Variants in SLC17A2 observed in about 807,000 individuals in gnomAD.
The protein encoded by SLC17A2 is sodium-dependent phosphate transport protein 3.
SLC17A2 carries 38 observed loss-of-function variants against 52.1 expected under a neutral mutation model. That is an observed-to-expected ratio of 0.73 (90% CI 0.56 to 0.96). SLC17A2 has a LOEUF of 0.96. Among genes scored for constraint, SLC17A2 ranks in the 40% least tolerant of loss-of-function variants. The probability of loss-of-function intolerance (pLI) is 0.00; values close to 1 mark genes in which losing one functional copy is unlikely to be tolerated. For synonymous variants in SLC17A2, 226 were observed against 211.9 expected (o/e 1.07, Z -0.58); for missense variants, 508 against 583.9 (o/e 0.87, Z 1.34).
intron 6 of SLC17A2, 119 bp from the exon 7 acceptor site, chr6:25,917,206 A>T (rs946633461): frequency 1.4e-6 from 1 of 730,658 alleles, no homozygotes; most frequent in South Asian, 1.6e-5. Context: ...TTATTCTACC[A>T]TAAGGACCTA....
At chr6:25,928,656 G>T (rs1766846655) in intron 1 of SLC17A2, among the ~76,000 whole-genome samples, 1 of 152,150 alleles carries the variant, frequency 6.6e-6, no homozygotes, top group Non-Finnish European at 1.5e-5. Context: ...CCTAAACTGA[G>T]GTCTTTCATG....
At chr6:25,921,148 TCCCA>T in intron 4 of SLC17A2, 27 bp downstream of exon 4, 3 of 1,613,516 alleles carry the variant, frequency 1.9e-6, no homozygotes, top group Non-Finnish European at 2.5e-6. Context: ...GAAATCTGGA[TCCCA>T]CCAAGAATGA....
chr6:25,928,861 G>A (rs929951297), intron 1 of SLC17A2, among the ~76,000 whole-genome samples: 1 of 151,976 alleles, frequency 6.6e-6, no homozygotes, highest in African/African-American at 2.4e-5. Flanking sequence ...GTGAATTCTA[G>A]TGCCAAAGTT....
At position 25,921,244 on chromosome 6, in the gene SLC17A2, G is replaced by A. The variant is rs1436304879; in HGVS notation, c.409C>T (p.Pro137Ser). ...LISSLLTLFT[P>S]LAADFGVILV... The stretch of plus-strand genomic sequence containing the variant: ...ATCACTCCGAAGTCAGCAGCCAGTG[G>A]TGTAAAGAGGGTGAGAAGGGAAGAG... Residue 137 changes from proline to serine, a missense_variant, in exon 4 of 12, where the codon CCA (proline) becomes TCA (serine). Pro to Ser is a moderately conservative substitution (Grantham distance 74, BLOSUM62 -1). Transcript: ENST00000377850. The A allele has an allele frequency of 6.2e-7, 1 of 1,614,048 alleles. No individual in the cohort carries two copies. Among genetic ancestry groups the A allele is most frequent in the East Asian group, 2.2e-5 (1 of 44,890 alleles).
chr6:25,925,177 G>A (rs1311878020), intron 2 of SLC17A2, among the ~76,000 whole-genome samples: 1 of 152,138 alleles, frequency 6.6e-6, no homozygotes, highest in East Asian at 1.9e-4. Flanking sequence ...CAGCCGCTTG[G>A]TGAGAATATT....
intron 8 of SLC17A2, among the ~76,000 whole-genome samples, chr6:25,916,082 T>C (rs1396373995): frequency 6.6e-6 from 1 of 152,280 alleles, no homozygotes; most frequent in East Asian, 1.9e-4. Context: ...TATTAATTTC[T>C]TGGGTTTTTT....
chr6:25,917,196 T>C lies in SLC17A2; in HGVS notation c.650-109A>G, dbSNP rs1766358988. 4 of 766,642 alleles carry C rather than the reference T, an allele frequency of 5.2e-6. No homozygotes were observed. The Admixed American group carries it at 7.3e-5, about 14-fold the overall frequency. 47.5% of individuals were successfully genotyped at this position (766,642 alleles called of 1,614,324 possible). ...CTTCTACACACTAATCAATTAATGC[T>C]TATTCTACCATAAGGACCTAAATGT... is the stretch of plus-strand genomic sequence containing the variant. On this transcript the variant is annotated intron_variant, in intron 6 of 11. Coordinates refer to ENST00000377850, the MANE Select transcript of SLC17A2 (RefSeq NM_001286123.3).
At chr6:25,918,442 T>C (rs1289384359) in intron 6 of SLC17A2, 45 bp downstream of exon 6, 1 of 1,321,348 alleles carries the variant, frequency 7.6e-7, no homozygotes, top group Admixed American at 1.7e-5. Context: ...CCAAAATGGA[T>C]GCTCAGGAAA....
chr6:25,924,808 C>CA (rs33975030), intron 2 of SLC17A2, among the ~76,000 whole-genome samples: 1,833 of 135,070 alleles, frequency 0.014, 23 homozygotes, highest in African/African-American at 0.041. Context: ...GACTCAATCT[C>CA]AAAAAAAAAA....
chr6:25,914,448 A>C, intron 11 of SLC17A2, 132 bp downstream of exon 11: 1 of 648,066 alleles, frequency 1.5e-6, no homozygotes, highest in Non-Finnish European at 2.8e-6. Context: ...AATCTGACCT[A>C]CCAGAGTCTG....
rs1472849488 is a variant in SLC17A2, at chr6:25,913,264, A to G, written c.*53T>C. On this transcript the variant is annotated 3_prime_UTR_variant, in exon 12 of 12. Transcript: ENST00000377850. ...TCAGGAATATGGAGAGAAGTAAAAA[A>G]TGTTTAAAAAGTTCATGCTCAGTAC... The G allele has an allele frequency of 6.2e-7, 1 of 1,601,466 alleles. No individual in the cohort carries two copies. Among genetic ancestry groups the G allele is most frequent in the African/African-American group, 1.3e-5 (1 of 74,644 alleles).
intron 3 of SLC17A2, among the ~76,000 whole-genome samples, chr6:25,923,217 T>C (rs1357533638): frequency 6.6e-6 from 1 of 151,590 alleles, no homozygotes; most frequent in Admixed American, 6.6e-5. Context: ...AACAGCAAAA[T>C]TGGCTAATTC....
chr6:25,914,450 C>A, intron 11 of SLC17A2, 130 bp downstream of exon 11: 1 of 646,412 alleles, frequency 1.5e-6, no homozygotes, highest in Non-Finnish European at 2.8e-6. Flanking sequence ...TCTGACCTAC[C>A]AGAGTCTGAT....
chr6:25,918,681 G>T lies in SLC17A2; in HGVS notation c.563-108C>A, dbSNP rs572973923. 4.4e-5 allele frequency: 30 copies of T among 680,840 alleles called. No homozygotes were observed. In the South Asian group the frequency reaches 5.1e-4, roughly 12 times the overall value. 42.2% of individuals were successfully genotyped at this position (680,840 alleles called of 1,614,324 possible). On this transcript the variant is annotated intron_variant, in intron 5 of 11. Coordinates refer to ENST00000377850, the MANE Select transcript of SLC17A2 (RefSeq NM_001286123.3). ...GAGGTGGCAGACTTAGAATTATTGGGCAATGAGAGTATTTATTTCTAAAAT... is the reference window on the plus strand; with the variant it reads ...GAGGTGGCAGACTTAGAATTATTGGTCAATGAGAGTATTTATTTCTAAAAT...
chr6:25,919,223 T>G (rs1410328074), intron 5 of SLC17A2, among the ~76,000 whole-genome samples: 2 of 152,176 alleles, frequency 1.3e-5, no homozygotes, highest in Non-Finnish European at 2.9e-5. Flanking sequence ...CCATGTCCAA[T>G]GCACTCCAAC....
intron 11 of SLC17A2, 76 bp from the exon 12 acceptor site, chr6:25,913,527 T>C: frequency 7.5e-7 from 1 of 1,339,806 alleles, no homozygotes; most frequent in East Asian, 2.4e-5. Flanking sequence ...CTCCCAGTTG[T>C]GTATTGCAAT....
chr6:25,923,047 C>T (rs983761750), intron 3 of SLC17A2, among the ~76,000 whole-genome samples: 4 of 152,148 alleles, frequency 2.6e-5, no homozygotes, highest in African/African-American at 7.2e-5. Context: ...ATTAGCCAGC[C>T]GCGGTGGCAT....
intron 6 of SLC17A2, among the ~76,000 whole-genome samples, chr6:25,917,938 T>C (rs751452555): frequency 1.6e-4 from 25 of 152,064 alleles, no homozygotes; most frequent in Admixed American, 7.9e-4. Flanking sequence ...AAATAAATAA[T>C]TACACACCAA....
intron 2 of SLC17A2, among the ~76,000 whole-genome samples, chr6:25,924,916 G>A (rs566996049): frequency 2.0e-5 from 3 of 151,996 alleles, no homozygotes; most frequent in South Asian, 2.1e-4. Flanking sequence ...TTCTTTAAAA[G>A]CATCCCCATA....
Sources: allele counts gnomAD v4.1 joint callset (sites outside exome capture counted in the v4.1 genomes callset), GRCh38; gene constraint gnomAD v4.1.1; transcripts MANE v1.5; gene names NCBI Gene and HGNC (gene_info 2026-07-23, HGNC 2026-07-21).